Variants in RIMS2 observed in about 807,000 individuals in gnomAD.
RIMS2 encodes regulating synaptic membrane exocytosis 2.
RIMS2 carries 59 observed loss-of-function variants against 174.4 expected under a neutral mutation model. That is an observed-to-expected ratio of 0.34 (90% CI 0.27 to 0.42). The LOEUF is 0.42. Among genes scored for constraint, RIMS2 ranks in the 10% least tolerant of loss-of-function variants. The pLI, the probability that RIMS2 is intolerant of heterozygous loss-of-function variation, is 1.00. For missense variants in RIMS2, 1,620 were observed against 1,666.3 expected (o/e 0.97, Z 0.48); for synonymous variants, 606 against 572.5 (o/e 1.06, Z -0.84).
At chr8:103,834,334 T>TTC (rs1408195397) in intron 3 of RIMS2, among the ~76,000 whole-genome samples, 3 of 80,766 alleles carry the variant, frequency 3.7e-5, no homozygotes, top group Non-Finnish European at 7.5e-5. Context: ...TTCTTTTTCT[T>TTC]TTTTTTTTTT....
At chr8:103,943,040 G>A in intron 14 of RIMS2, 114 bp downstream of exon 16, 2 of 742,056 alleles carry the variant, frequency 2.7e-6, no homozygotes, top group African/African-American at 1.8e-5. Flanking sequence ...ATTTGTTAGT[G>A]TTTCCATAGC....
intron 1 of RIMS2, among the ~76,000 whole-genome samples, chr8:103,600,263 C>A (rs554028312): frequency 1.8e-4 from 27 of 151,846 alleles, no homozygotes; most frequent in African/African-American, 6.3e-4. Flanking sequence ...GCTACATTTT[C>A]TTTCTTTCTT....
intron 3 of RIMS2, among the ~76,000 whole-genome samples, chr8:103,801,767 G>A (rs895535288): frequency 2.6e-5 from 4 of 152,118 alleles, no homozygotes; most frequent in African/African-American, 9.7e-5. Flanking sequence ...GTCTAGTGAA[G>A]CCGTTATCCA....
At chr8:104,014,387 A>G in intron 18 of RIMS2, 119 bp from the exon 21 acceptor site, 1 of 544,458 alleles carries the variant, frequency 1.8e-6, no homozygotes, top group South Asian at 3.2e-5. Flanking sequence ...CTAACCTTTT[A>G]ATCTGCAGCT....
Position 104,148,919 on chromosome 8 carries a change from C to T in RIMS2, c.3335-95997C>T, listed in dbSNP as rs981795244. Reference sequence around the variant, plus strand: ...TACAAGATATATTTCTTTTCTCTTACTCATTTTATTGCAGTAATGTGTGGA... The same window carrying T: ...TACAAGATATATTTCTTTTCTCTTATTCATTTTATTGCAGTAATGTGTGGA... On this transcript the variant is annotated intron_variant, in intron 19 of 23. Transcript: ENST00000504942. 11 of 1,460,482 alleles carry T rather than the reference C, an allele frequency of 7.5e-6. No homozygotes were observed. The Admixed American group carries it at 1.8e-4, about 24-fold the overall frequency. 90.5% of individuals were successfully genotyped at this position (1,460,482 alleles called of 1,614,324 possible).
chr8:103,785,534 GT>G (rs2154435731), intron 3 of RIMS2, among the ~76,000 whole-genome samples: 1 of 152,206 alleles, frequency 6.6e-6, no homozygotes, highest in Non-Finnish European at 1.5e-5. Context: ...TAATGATGTG[GT>G]TTTTGTCTTT....
chr8:103,888,118 A>ACTG (rs2099216988), intron 4 of RIMS2, among the ~76,000 whole-genome samples: 1 of 151,456 alleles, frequency 6.6e-6, no homozygotes, highest in Non-Finnish European at 1.5e-5. Context: ...ACTGATAGAA[A>ACTG]ATTTGGACAT....
chr8:103,567,312 G>T (rs569152442), intron 1 of RIMS2, among the ~76,000 whole-genome samples: 2 of 151,934 alleles, frequency 1.3e-5, no homozygotes, highest in Admixed American at 1.3e-4. Flanking sequence ...AAACACTCAC[G>T]CCCCATTATT....
At chr8:104,133,329 C>A (rs2098488680) in intron 19 of RIMS2, among the ~76,000 whole-genome samples, 1 of 152,120 alleles carries the variant, frequency 6.6e-6, no homozygotes, top group East Asian at 1.9e-4. Flanking sequence ...TCTCCAAAAT[C>A]TTGTAGGACT....
At position 103,600,003 on chromosome 8, in the gene RIMS2, T is replaced by G. The variant is rs531460804; in HGVS notation, c.177-97083T>G. Among the ~76,000 whole-genome samples the G allele has an allele frequency of 2.6e-5, 4 of 152,200 alleles. No individual in the cohort carries two copies. In the Middle Eastern group the frequency reaches 0.014, roughly 518 times the overall value. ...GGTCTTACTCATTCTTTCAAACTAT[T>G]TTTTGTGTCCATTAATCATCCTCAT... On this transcript the variant is annotated intron_variant, in intron 1 of 23. Coordinates refer to ENST00000504942, the Ensembl canonical transcript of RIMS2.
chr8:104,162,344 T>C (rs78711876), intron 19 of RIMS2, among the ~76,000 whole-genome samples: 9,101 of 152,074 alleles, frequency 0.06, 394 homozygotes, highest in East Asian at 0.15. Flanking sequence ...CCCACAGTTA[T>C]TAAGATTTAA....
chr8:103,589,779 A>G (rs1047805020), intron 1 of RIMS2, among the ~76,000 whole-genome samples: 2 of 151,608 alleles, frequency 1.3e-5, no homozygotes, highest in African/African-American at 4.8e-5. Context: ...CTCATTTGCA[A>G]TAACATGGAC....
At chr8:103,594,144 T>C (rs2094390071) in intron 1 of RIMS2, among the ~76,000 whole-genome samples, 1 of 151,688 alleles carries the variant, frequency 6.6e-6, no homozygotes, top group South Asian at 2.1e-4. Flanking sequence ...TTTGAGTAAC[T>C]CCATGTGGAT....
intron 1 of RIMS2, among the ~76,000 whole-genome samples, chr8:103,563,021 G>C (rs145223670): frequency 6.6e-6 from 1 of 152,130 alleles, no homozygotes; most frequent in Admixed American, 6.5e-5. Context: ...CACTGAAGGG[G>C]GACCAAGGGC....
chr8:103,986,154 G>A (rs1302542858), intron 16 of RIMS2, among the ~76,000 whole-genome samples: 1 of 152,160 alleles, frequency 6.6e-6, no homozygotes, highest in African/African-American at 2.4e-5. Flanking sequence ...ATTTAGCCAT[G>A]CTGCAATGTA....
At position 103,664,519 on chromosome 8, in the gene RIMS2, G is replaced by GA. The variant is rs370452844; in HGVS notation, c.177-32560dup. Among the ~76,000 whole-genome samples the GA allele has an allele frequency of 4.2e-3, 642 of 152,192 alleles. 4 individuals carry two copies. The highest frequency in any genetic ancestry group is 0.015 in the African/African-American group (611 of 41,536). ...AGACATTTATCTGGCCAACAAACAT[G>GA]AAAAAAAGCTCATCATCACTGGTCA... On this transcript the variant is annotated intron_variant, in intron 1 of 23. Coordinates refer to ENST00000504942, the Ensembl canonical transcript of RIMS2.
chr8:103,724,913 C>A (rs748694531), intron 2 of RIMS2, among the ~76,000 whole-genome samples: 4 of 152,110 alleles, frequency 2.6e-5, no homozygotes, highest in Non-Finnish European at 5.9e-5. Flanking sequence ...TAGCTTGTAG[C>A]CATGGTCAGT....
chr8:103,852,449 G>A (rs1380420544), intron 3 of RIMS2, among the ~76,000 whole-genome samples: 2 of 148,372 alleles, frequency 1.3e-5, no homozygotes, highest in Non-Finnish European at 3.0e-5. Context: ...GATACAAGAT[G>A]TACATGGGCA....
At chr8:104,251,942 G>A (rs2099360487), downstream of RIMS2, 3 of 659,104 alleles carry the variant, frequency 4.6e-6, no homozygotes, top group Admixed American at 8.3e-5. Context: ...TGTTTCTAGG[G>A]ATACAAAGCA....
Sources: allele counts gnomAD v4.1 joint callset (sites outside exome capture counted in the v4.1 genomes callset), GRCh38; gene constraint gnomAD v4.1.1; transcripts MANE v1.5; gene names NCBI Gene and HGNC (gene_info 2026-07-23, HGNC 2026-07-21).